The following SLC16A12 variants were observed in gnomAD, a reference collection of about 807,000 sequenced individuals.
SLC16A12 encodes monocarboxylate transporter 12.
In SLC16A12, 17 loss-of-function variants were observed where a neutral mutation model predicts 42.4. The ratio of observed to expected loss-of-function variants is 0.40; its 90% confidence interval spans 0.27 to 0.60. SLC16A12 has a LOEUF of 0.60. Ranked by LOEUF, SLC16A12 falls within the 20% of genes least tolerant of loss-of-function variation. The pLI is 0.42. For synonymous variants in SLC16A12, 224 were observed against 229.4 expected (o/e 0.98, Z 0.21); for missense variants, 544 against 623.0 (o/e 0.87, Z 1.35).
At chr10:89,462,198 G>A (rs1842311433) in intron 3 of SLC16A12, among the ~76,000 whole-genome samples, 181 bp downstream of exon 3, 1 of 152,156 alleles carries the variant, frequency 6.6e-6, no homozygotes, top group Non-Finnish European at 1.5e-5. Flanking sequence ...GGACTCATAA[G>A]TGTCAGAGAA....
At chr10:89,446,408 C>G (rs1388338571) in intron 3 of SLC16A12, among the ~76,000 whole-genome samples, 1 of 152,210 alleles carries the variant, frequency 6.6e-6, no homozygotes, top group East Asian at 1.9e-4. Flanking sequence ...CAGCAGATCT[C>G]TTTGCAGAAA....
chr10:89,498,603 C>T lies in SLC16A12; in HGVS notation c.-47+35898G>A, dbSNP rs547814657. Among the ~76,000 whole-genome samples the T allele has an allele frequency of 3.8e-4, 58 of 152,142 alleles. 1 individual carries two copies. Among genetic ancestry groups the T allele is most frequent in the South Asian group, 3.8e-3 (18 of 4,798 alleles). ...CATGATCAGAGAGTTTTTGCAGCTC[C>T]GACTCGGGCAGACAGAACAGCTTGA... On this transcript the variant is annotated intron_variant, in intron 2 of 7. Coordinates refer to ENST00000371790, the MANE Select transcript of SLC16A12 (RefSeq NM_213606.4).
intron 2 of SLC16A12, among the ~76,000 whole-genome samples, chr10:89,478,327 A>G (rs1346091071): frequency 6.6e-6 from 1 of 152,174 alleles, no homozygotes; most frequent in African/African-American, 2.4e-5. Flanking sequence ...ATTGAACCCA[A>G]TGGGAGCCCA....
chr10:89,540,797 C>A (rs1843710240), intron 2 of SLC16A12, among the ~76,000 whole-genome samples: 1 of 152,200 alleles, frequency 6.6e-6, no homozygotes, highest in Admixed American at 6.5e-5. Context: ...ATCATTTTAA[C>A]CCATTTATCT....
At chr10:89,553,604 C>G (rs1455200748) in intron 2 of SLC16A12, among the ~76,000 whole-genome samples, 1 of 152,130 alleles carries the variant, frequency 6.6e-6, no homozygotes, top group African/African-American at 2.4e-5. Flanking sequence ...TGAGTCATTA[C>G]CTTATCTGTA....
At chr10:89,532,862 T>A (rs1476422690) in intron 2 of SLC16A12, among the ~76,000 whole-genome samples, 1 of 152,126 alleles carries the variant, frequency 6.6e-6, no homozygotes, top group Non-Finnish European at 1.5e-5. Context: ...TGAGACAAAA[T>A]AACAACAGAA....
At chr10:89,498,835 C>T (rs1266829903) in intron 2 of SLC16A12, among the ~76,000 whole-genome samples, 2 of 152,114 alleles carry the variant, frequency 1.3e-5, no homozygotes, top group Admixed American at 6.5e-5. Context: ...TGTACCAGCC[C>T]GGAGCCTGGC....
chr10:89,533,499 C>A (rs759517042), intron 2 of SLC16A12, among the ~76,000 whole-genome samples: 2 of 152,162 alleles, frequency 1.3e-5, no homozygotes, highest in Non-Finnish European at 2.9e-5. Flanking sequence ...CCTTTCTTAG[C>A]TTTGTTTTGG....
chr10:89,550,458 G>A (rs765571968), intron 2 of SLC16A12, among the ~76,000 whole-genome samples: 2 of 152,208 alleles, frequency 1.3e-5, no homozygotes, highest in Admixed American at 1.3e-4. Context: ...GGCGGAGGTT[G>A]CAGTGAGCTG....
chr10:89,474,194 C>T (rs1166787929), intron 2 of SLC16A12, among the ~76,000 whole-genome samples: 1 of 152,180 alleles, frequency 6.6e-6, no homozygotes, highest in Non-Finnish European at 1.5e-5. Flanking sequence ...GTATGCCTTT[C>T]CTGGCACTTA....
At chr10:89,475,523 T>C (rs1306253772) in intron 2 of SLC16A12, among the ~76,000 whole-genome samples, 1 of 152,242 alleles carries the variant, frequency 6.6e-6, no homozygotes, top group Admixed American at 6.5e-5. Flanking sequence ...CATGAGACAA[T>C]ACATATATAA....
chr10:89,544,182 C>A (rs1317355857), intron 2 of SLC16A12, among the ~76,000 whole-genome samples: 4 of 152,192 alleles, frequency 2.6e-5, no homozygotes, highest in Non-Finnish European at 5.9e-5. Flanking sequence ...AATACTTTAT[C>A]CCTGAAATCA....
chr10:89,541,573 C>G (rs185327825), intron 2 of SLC16A12, among the ~76,000 whole-genome samples: 168 of 152,312 alleles, frequency 1.1e-3, no homozygotes, highest in Non-Finnish European at 4.3e-4. Flanking sequence ...GGCGACAGAA[C>G]TAGACCCAGT....
intron 2 of SLC16A12, among the ~76,000 whole-genome samples, chr10:89,526,382 T>C (rs1843452965): frequency 6.6e-6 from 1 of 152,202 alleles, no homozygotes. Flanking sequence ...ACTGAGTCCC[T>C]ATACTGATAA....
intron 2 of SLC16A12, among the ~76,000 whole-genome samples, chr10:89,477,316 G>A (rs560131646): frequency 1.3e-5 from 2 of 152,232 alleles, no homozygotes; most frequent in South Asian, 4.2e-4. Flanking sequence ...TGTAATCCCA[G>A]CACTTTGGGA....
intron 2 of SLC16A12, among the ~76,000 whole-genome samples, chr10:89,479,456 C>A (rs1259947100): frequency 6.6e-6 from 1 of 152,224 alleles, no homozygotes; most frequent in African/African-American, 2.4e-5. Context: ...GGCTCCTTTT[C>A]ATGAGCAAAG....
intron 2 of SLC16A12, among the ~76,000 whole-genome samples, chr10:89,467,210 C>T (rs1490193957): frequency 6.6e-6 from 1 of 152,176 alleles, no homozygotes; most frequent in Non-Finnish European, 1.5e-5. Context: ...CCATAAACAT[C>T]CGGCATAAGG....
At chr10:89,438,132 C>T (rs1383041620) in intron 6 of SLC16A12, among the ~76,000 whole-genome samples, 1 of 128,372 alleles carries the variant, frequency 7.8e-6, no homozygotes, top group Non-Finnish European at 1.7e-5. Context: ...TGTAGTTACC[C>T]TAGGCTTCTG....
At chr10:89,436,914 A>AAGAAAAAG (rs796398100) in intron 6 of SLC16A12, among the ~76,000 whole-genome samples, 3,838 of 135,964 alleles carry the variant, frequency 0.028, 103 homozygotes, top group African/African-American at 0.062. Context: ...GAAAGAAAGA[A>AAGAAAAAG]AAAGAAAGAG....
Sources: gnomAD v4.1 joint callset for allele counts (sites outside exome capture counted in the v4.1 genomes callset) on GRCh38, gnomAD v4.1.1 for gene constraint, MANE v1.5 for transcripts, NCBI Gene and HGNC (gene_info 2026-07-23, HGNC 2026-07-21) for gene names.